LANCL1: variants seen among roughly 807,000 people sequenced by gnomAD.
The protein encoded by LANCL1 is LanC like glutathione S-transferase 1.
In LANCL1, 50 loss-of-function variants were observed where a neutral mutation model predicts 50.6. The ratio of observed to expected loss-of-function variants is 0.99; its 90% CI spans 0.79 to 1.25. The LOEUF (loss-of-function observed/expected upper bound fraction) is 1.25. Among genes scored for constraint, LANCL1 ranks in the 50% most tolerant of loss-of-function variants. LANCL1 has a pLI of 0.00. For missense variants in LANCL1, 532 were observed against 480.7 expected, an observed-to-expected ratio of 1.11 and a Z score of -1.00; for synonymous variants, 188 against 178.6, an observed-to-expected ratio of 1.05 and a Z score of -0.42.
At chr2:210,477,568 T>C, upstream of LANCL1, 4 of 1,396,456 alleles carry the variant, frequency 2.9e-6, no homozygotes, top group Non-Finnish European at 3.7e-6. Context: ...GCTCCAGACC[T>C]CCAACTGGAG....
In LANCL1 at chr2:210,460,198, T is replaced by C. The variant is rs74911688; in HGVS notation, c.200-4884A>G. 6.8e-3 allele frequency among the ~76,000 whole-genome samples: 1,035 copies of C among 152,326 alleles called. 9 individuals carry two copies. The highest frequency in any genetic ancestry group is 0.023 in the African/African-American group (967 of 41,560). ...CCAGCTTACAGTGATGTAAAAAGCT[T>C]TGTGCCACGGTACTTTAGCTCTGTG... On this transcript the variant is annotated intron_variant, in intron 3 of 9. Coordinates refer to ENST00000450366, the MANE Select transcript of LANCL1 (RefSeq NM_006055.3).
intron 4 of LANCL1, among the ~76,000 whole-genome samples, chr2:210,445,264 G>A (rs777371299): frequency 6.6e-6 from 1 of 152,036 alleles, no homozygotes. Context: ...TTTGAACCAC[G>A]GCATTAACTC....
chr2:210,459,399 A>G (rs899841177), intron 3 of LANCL1, among the ~76,000 whole-genome samples: 1 of 152,070 alleles, frequency 6.6e-6, no homozygotes, highest in South Asian at 2.1e-4. Flanking sequence ...TTGAATTACT[A>G]CTCCTGCAAC....
At chr2:210,463,153 C>G (rs10804182) in intron 3 of LANCL1, among the ~76,000 whole-genome samples, 3 of 151,612 alleles carry the variant, frequency 2.0e-5, no homozygotes, top group Non-Finnish European at 4.4e-5. Flanking sequence ...CTTGCTTTGC[C>G]TCATTTTTCT....
chr2:210,475,030 A>C (rs1694318497), intron 2 of LANCL1, among the ~76,000 whole-genome samples: 1 of 152,202 alleles, frequency 6.6e-6, no homozygotes, highest in African/African-American at 2.4e-5. Flanking sequence ...TACTAGTCTT[A>C]AAATAATCAG....
intron 9 of LANCL1, 42 bp from the exon 10 acceptor site, chr2:210,434,605 C>T (rs775477874): frequency 5.4e-6 from 8 of 1,474,872 alleles, no homozygotes; most frequent in Non-Finnish European, 4.7e-6. Context: ...TACCAAATGA[C>T]TCCATTTCAT....
Position 210,476,681 on chromosome 2 carries a change from C to A in LANCL1, c.-78G>T. 8.3e-7 allele frequency: 1 copy of A among 1,210,776 alleles called. No individual in the cohort carries two copies. The highest frequency in any genetic ancestry group is 1.0e-6 in the Non-Finnish European group (1 of 969,904). The allele number at this position is 1,210,776 out of a possible 1,614,324, so 75.0% of individuals were successfully genotyped here. A position where few individuals can be genotyped will look rare whatever the true frequency, so the allele number is the denominator to read the frequency against. ...ACGCCCGCGACTTGAAGCAAGTGCG[C>A]CTCCCGCGTCCTGAAGCCCTTCTCG... On this transcript the variant is annotated 5_prime_UTR_variant, in exon 1 of 10. Coordinates refer to ENST00000450366, the MANE Select transcript of LANCL1 (RefSeq NM_006055.3).
At chr2:210,460,314 T>C (rs1359049376) in intron 3 of LANCL1, among the ~76,000 whole-genome samples, 1 of 152,152 alleles carries the variant, frequency 6.6e-6, no homozygotes, top group Non-Finnish European at 1.5e-5. Context: ...TCTACAAGGC[T>C]CACTGGAGGT....
chr2:210,455,269 G>A lies in LANCL1; in HGVS notation c.245C>T (p.Pro82Leu), dbSNP rs748145916. The change falls in exon 4 of 10, where the codon CCT becomes CTT. Residue 82 changes from proline (P) to leucine (L), a missense_variant. Pro to Leu is a moderately conservative substitution (Grantham distance 98, BLOSUM62 -3). Coordinates refer to ENST00000450366, the MANE Select transcript of LANCL1 (RefSeq NM_006055.3). Reference protein sequence around the residue: ...YLHLYDVFGDPAYLQLAHGYV... With the variant: ...YLHLYDVFGDLAYLQLAHGYV... ...GCCATGTGCTAACTGTAGGTAGGCA[G>A]GGTCCCCAAATACATCATAAAGATG... 6.2e-7 allele frequency: 1 copy of A among 1,612,452 alleles called. No individual in the cohort carries two copies. Among genetic ancestry groups the A allele is most frequent in the South Asian group, 1.1e-5 (1 of 91,026 alleles).
chr2:210,477,529 C>T, upstream of LANCL1: 2 of 1,302,678 alleles, frequency 1.5e-6, no homozygotes, highest in Non-Finnish European at 2.0e-6. Flanking sequence ...TCTCCTTTTC[C>T]TTCTCTCCGG....
intron 3 of LANCL1, among the ~76,000 whole-genome samples, chr2:210,470,873 A>G (rs927326639): frequency 1.1e-4 from 16 of 151,958 alleles, no homozygotes; most frequent in African/African-American, 3.6e-4. Context: ...CCACTCCTTA[A>G]AATCAAATTA....
chr2:210,440,782 G>A, intron 5 of LANCL1, 38 bp from the exon 6 acceptor site: 1 of 1,587,846 alleles, frequency 6.3e-7, no homozygotes, highest in Non-Finnish European at 8.6e-7. Context: ...CAAGTTAACT[G>A]AACAAAAATC....
At chr2:210,445,729 G>A (rs1272250708) in intron 4 of LANCL1, among the ~76,000 whole-genome samples, 1 of 152,144 alleles carries the variant, frequency 6.6e-6, no homozygotes, top group East Asian at 1.9e-4. Flanking sequence ...GTTTTGATAT[G>A]TTGATATTAA....
At chr2:210,470,694 T>C (rs892341081) in intron 3 of LANCL1, among the ~76,000 whole-genome samples, 2 of 152,188 alleles carry the variant, frequency 1.3e-5, no homozygotes. Context: ...GGAAGACTAA[T>C]AAGAGATTGC....
chr2:210,447,795 A>G (rs765854194), intron 4 of LANCL1, among the ~76,000 whole-genome samples: 1 of 152,240 alleles, frequency 6.6e-6, no homozygotes. Context: ...CAATGCAACA[A>G]GAAGAGCTGA....
At chr2:210,451,865 G>A (rs373343391) in intron 4 of LANCL1, among the ~76,000 whole-genome samples, 60 of 152,300 alleles carry the variant, frequency 3.9e-4, no homozygotes, top group Middle Eastern at 3.4e-3. Context: ...AAGGAACAAA[G>A]TTTTGATACA....
At chr2:210,443,519 TA>T (rs1693213073) in intron 4 of LANCL1, among the ~76,000 whole-genome samples, 1 of 152,210 alleles carries the variant, frequency 6.6e-6, no homozygotes, top group Non-Finnish European at 1.5e-5. Flanking sequence ...CTTTCGACAC[TA>T]AATCTTTGTT....
At chr2:210,465,958 GCTGTAGGGTTT>G (rs1694043918) in intron 3 of LANCL1, among the ~76,000 whole-genome samples, 3 of 152,192 alleles carry the variant, frequency 2.0e-5, no homozygotes, top group African/African-American at 7.2e-5. Flanking sequence ...TAATGCAAAT[GCTGTAGGGTTT>G]ATGATCAGGA....
Position 210,471,770 on chromosome 2 carries a change from G to A in LANCL1, c.199+189C>T, listed in dbSNP as rs1352828121. The stretch of plus-strand genomic sequence containing the variant: ...TATGCTTACCATGCCCTAAATTCAG[G>A]GCACTATTAAAAACCCAGAAGATAC... On this transcript the variant is annotated intron_variant, in intron 3 of 9. Coordinates refer to ENST00000450366, the MANE Select transcript of LANCL1 (RefSeq NM_006055.3). 6.7e-6 allele frequency: 5 copies of A among 743,958 alleles called. No individual in the cohort carries two copies. The East Asian group carries it at 9.8e-5, about 15-fold the overall frequency. 46.1% of individuals were successfully genotyped at this position (743,958 alleles called of 1,614,324 possible). A position where few individuals can be genotyped will look rare whatever the true frequency, so the allele number is the denominator to read the frequency against.
Sources: gnomAD v4.1 joint callset for allele counts (sites outside exome capture counted in the v4.1 genomes callset) on GRCh38, gnomAD v4.1.1 for gene constraint, MANE v1.5 for transcripts, NCBI Gene and HGNC (gene_info 2026-07-23, HGNC 2026-07-21) for gene names.